The following TJAP1 variants were observed in gnomAD, a reference collection of about 807,000 sequenced individuals.
The protein encoded by TJAP1 is tight junction-associated protein 1.
In TJAP1, 27 loss-of-function variants were observed where a neutral mutation model predicts 42.0. The ratio of observed to expected loss-of-function variants is 0.64; its 90% CI spans 0.47 to 0.89. The LOEUF is 0.89. TJAP1 is among the 40% of genes least tolerant of loss of function. TJAP1 has a pLI of 0.00. For synonymous variants in TJAP1, 257 were observed against 288.4 expected, an observed-to-expected ratio of 0.89 and a Z score of 1.10; for missense variants, 712 against 726.9, an observed-to-expected ratio of 0.98 and a Z score of 0.24.
chr6:43,503,405 A>G, exon 9 of TJAP1: 1 of 1,613,370 alleles, frequency 6.2e-7, no homozygotes, highest in Non-Finnish European at 8.5e-7. Context: ...CTTCAGATCA[A>G]GAAGGCTGAG....
intron 2 of TJAP1, among the ~76,000 whole-genome samples, chr6:43,494,047 G>A (rs947554989): frequency 9.9e-5 from 15 of 152,150 alleles, no homozygotes; most frequent in South Asian, 2.1e-4. Context: ...TCTGCTGTGC[G>A]TGCCGAGTCC....
chr6:43,479,507 C>G (rs921667553), intron 2 of TJAP1, among the ~76,000 whole-genome samples: 2 of 152,158 alleles, frequency 1.3e-5, no homozygotes, highest in Admixed American at 6.5e-5. Flanking sequence ...AGCACTGACT[C>G]TGAGCCCGGC....
At position 43,505,772 on chromosome 6, in the gene TJAP1, A is replaced by T; in HGVS notation, c.1591A>T (p.Ser531Cys). The T allele has an allele frequency of 6.6e-7, 1 of 1,513,056 alleles. No individual in the cohort carries two copies. The highest frequency in any genetic ancestry group is 8.8e-7 in the Non-Finnish European group (1 of 1,134,964). 93.7% of individuals were successfully genotyped at this position (1,513,056 alleles called of 1,614,324 possible). The change falls in exon 11 of 11, where the codon AGC becomes TGC. Residue 531 changes from serine to cysteine, a missense_variant. Physicochemically the swap from Ser to Cys is moderately radical, Grantham distance 112. Coordinates refer to ENST00000372449, the Ensembl canonical transcript of TJAP1. This position sits in a 1 kb window ranked among gnomAD's most constrained non-coding sequence, Gnocchi z 5.5. Reference sequence around the variant, plus strand: ...CCCCAGCTCCAGTCGCCCCCAGCGCAGCCCCAAGAGGATGGGGGTTCACCA... The same window carrying T: ...CCCCAGCTCCAGTCGCCCCCAGCGCTGCCCCAAGAGGATGGGGGTTCACCA...
chr6:43,496,640 C>T (rs1170908510), intron 2 of TJAP1, among the ~76,000 whole-genome samples: 2 of 152,206 alleles, frequency 1.3e-5, no homozygotes, highest in East Asian at 3.9e-4. Flanking sequence ...ACCCTCTCAC[C>T]ATTCTCCCTG....
At chr6:43,490,573 A>G (rs1396975406) in intron 2 of TJAP1, among the ~76,000 whole-genome samples, 1 of 152,140 alleles carries the variant, frequency 6.6e-6, no homozygotes, top group East Asian at 1.9e-4. Flanking sequence ...AGGATTGGGG[A>G]GGTAGAGGAA....
In TJAP1 at chr6:43,505,656, C is replaced by T; in HGVS notation, c.1475C>T (p.Pro492Leu). ...GAAGAGCTGAACCTGCCTATCAGTC[C>T]TGAGGAAGAGCGCCAGAGCCTGCTG... Residue 492 changes from proline to leucine, a missense_variant, in exon 11 of 11, where the codon CCT (proline) becomes CTT (leucine). Transcript: ENST00000372449. The surrounding 1 kb of genome is among the most constrained non-coding windows in gnomAD (Gnocchi z 5.5). The T allele has an allele frequency of 6.2e-7, 1 of 1,612,000 alleles. No individual in the cohort carries two copies. The highest frequency in any genetic ancestry group is 1.1e-5 in the South Asian group (1 of 91,064).
intron 10 of TJAP1, 135 bp downstream of exon 10, chr6:43,503,841 C>G (rs774225347): frequency 2.6e-6 from 2 of 783,742 alleles, no homozygotes; most frequent in Non-Finnish European, 4.5e-6. Context: ...TGTCACCTCT[C>G]AAGCCAGTCA....
intron 2 of TJAP1, among the ~76,000 whole-genome samples, chr6:43,490,165 A>G (rs1387100500): frequency 6.6e-6 from 1 of 152,096 alleles, no homozygotes; most frequent in Non-Finnish European, 1.5e-5. Context: ...TGTTCTTACT[A>G]CTGCGTCCCT....
At chr6:43,503,409 G>A in exon 9 of TJAP1, 1 of 1,613,588 alleles carries the variant, frequency 6.2e-7, no homozygotes. Context: ...AGATCAAGAA[G>A]GCTGAGATGG....
intron 8 of TJAP1, 87 bp downstream of exon 8, chr6:43,502,704 G>A: frequency 6.9e-7 from 1 of 1,446,982 alleles, no homozygotes. Context: ...CTGTTACCCT[G>A]TGCCCCTTGA....
rs754742722 is a variant in TJAP1 at position 43,505,231 on chromosome 6, C to T, written c.1050C>T (p.Cys350=). Residue 350 remains cysteine, a synonymous_variant, in exon 11 of 11, where the codon TGC becomes TGT. Coordinates refer to ENST00000372449, the Ensembl canonical transcript of TJAP1. This position sits in a 1 kb window ranked among gnomAD's most constrained non-coding sequence, Gnocchi z 5.5. ...CCCGCAACAGCCCCCTGCCCAACTG[C>T]ACTTACGCTACCCGCCAGGCCATTT... is the stretch of plus-strand genomic sequence containing the variant. 14 of 1,614,148 alleles carry T rather than the reference C, an allele frequency of 8.7e-6. No individual in the cohort carries two copies. The South Asian group carries it at 1.4e-4, about 16-fold the overall frequency.
chr6:43,504,558 C>T, intron 10 of TJAP1: 1 of 689,704 alleles, frequency 1.4e-6, no homozygotes, highest in Non-Finnish European at 2.4e-6. Context: ...CCAAGTTAAC[C>T]AAAGCTTTGA....
At chr6:43,489,076 C>T (rs1037241569) in intron 2 of TJAP1, among the ~76,000 whole-genome samples, 2 of 152,190 alleles carry the variant, frequency 1.3e-5, no homozygotes, top group African/African-American at 4.8e-5. Flanking sequence ...TGCTAAGCAT[C>T]AGTGGGTGTG....
chr6:43,489,765 A>ATC (rs1453345097), intron 2 of TJAP1: 4 of 152,300 alleles, frequency 2.6e-5, no homozygotes, highest in Admixed American at 1.3e-4. Flanking sequence ...TCCATCTGGC[A>ATC]TGGTTTCCGG....
chr6:43,505,910 A>C lies in TJAP1; in HGVS notation c.*55A>C. On this transcript the variant is annotated 3_prime_UTR_variant, in exon 11 of 11. Coordinates refer to ENST00000372449, the Ensembl canonical transcript of TJAP1. The surrounding 1 kb of genome is among the most constrained non-coding windows in gnomAD (Gnocchi z 5.5). ...CACCAGGACTGCAAGGAGTCCCCACACCTTGGCAGCTCAGGGTCCCCAGTC... is the reference window on the plus strand; with the variant it reads ...CACCAGGACTGCAAGGAGTCCCCACCCCTTGGCAGCTCAGGGTCCCCAGTC... 7.1e-7 allele frequency: 1 copy of C among 1,417,490 alleles called. No individual in the cohort carries two copies. Among genetic ancestry groups the C allele is most frequent in the Non-Finnish European group, 9.2e-7 (1 of 1,088,972 alleles). 87.8% of individuals were successfully genotyped at this position (1,417,490 alleles called of 1,614,324 possible).
rs147406860 is a variant in TJAP1 at position 43,505,532 on chromosome 6, G to A, written c.1351G>A (p.Ala451Thr). ...GCAGCGCCATTTTGCCCATAGCCCC[G>A]CTGACAGAGATGAGGTGGTCCAGGC... Residue 451 changes from alanine (A) to threonine (T), a missense_variant, in exon 11 of 11, where the codon GCT becomes ACT. Physicochemically the swap from Ala to Thr is moderately conservative, Grantham distance 58. Coordinates refer to ENST00000372449, the Ensembl canonical transcript of TJAP1. This position sits in a 1 kb window ranked among gnomAD's most constrained non-coding sequence, Gnocchi z 5.5. 6.8e-6 allele frequency: 11 copies of A among 1,613,786 alleles called. No homozygotes were observed. Among genetic ancestry groups the A allele is most frequent in the African/African-American group, 6.7e-5 (5 of 74,938 alleles).
Position 43,505,209 on chromosome 6 carries a change from G to C in TJAP1, c.1028G>C (p.Arg343Pro), listed in dbSNP as rs77386052. The C allele has an allele frequency of 2.5e-6, 4 of 1,614,012 alleles. No homozygotes were observed. The African/African-American group carries it at 4.0e-5, about 16-fold the overall frequency. The change falls in exon 11 of 11, where the codon CGC becomes CCC. Residue 343 changes from arginine (R) to proline (P), a missense_variant. Coordinates refer to ENST00000372449, the Ensembl canonical transcript of TJAP1. The surrounding 1 kb of genome is among the most constrained non-coding windows in gnomAD (Gnocchi z 5.5). ...TCTGAGGATAAGGTTCGGATCCCCC[G>C]CAACAGCCCCCTGCCCAACTGCACT...
chr6:43,501,489 A>C (rs2127609059), intron 5 of TJAP1, 37 bp from the exon 6 acceptor site: 3 of 1,593,106 alleles, frequency 1.9e-6, no homozygotes, highest in Non-Finnish European at 2.6e-6. Context: ...TCTATCTCTC[A>C]TACCCCTCTG....
At chr6:43,481,631 G>A (rs1785344268) in intron 2 of TJAP1, among the ~76,000 whole-genome samples, 2 of 150,750 alleles carry the variant, frequency 1.3e-5, no homozygotes, top group East Asian at 3.9e-4. Context: ...CGTCCCCTCA[G>A]CTGAATGGGA....
Sources: gnomAD v4.1 joint callset for allele counts (sites outside exome capture counted in the v4.1 genomes callset) on GRCh38, gnomAD v4.1.1 for gene constraint, Gnocchi (gnomAD v3.1) non-coding constraint, MANE v1.5 for transcripts, NCBI Gene and HGNC (gene_info 2026-07-23, HGNC 2026-07-21) for gene names.